The following ZNF585A variants were observed in gnomAD, a reference collection of about 807,000 sequenced individuals.
ZNF585A encodes the protein zinc finger protein 585A.
A neutral mutation model predicts 14.9 loss-of-function variants in ZNF585A; 9 were observed. The ratio of observed to expected loss-of-function variants is 0.60; its 90% CI spans 0.36 to 1.05. ZNF585A has a LOEUF of 1.05. Among genes scored for constraint, ZNF585A ranks in the 50% least tolerant of loss-of-function variants. The probability of loss-of-function intolerance (pLI) is 0.01; values close to 1 mark genes in which losing one functional copy is unlikely to be tolerated. For synonymous variants in ZNF585A, 276 were observed against 319.9 expected (o/e 0.86, Z 1.46); for missense variants, 726 against 926.4 (o/e 0.78, Z 2.81).
intron 1 of ZNF585A, among the ~76,000 whole-genome samples, chr19:37,170,899 A>G (rs1265022684): frequency 6.6e-6 from 1 of 152,250 alleles, no homozygotes; most frequent in African/African-American, 2.4e-5. Context: ...TACAATACAT[A>G]TCAGCGATTA....
intron 2 of ZNF585A, among the ~76,000 whole-genome samples, chr19:37,160,334 C>T (rs557045088): frequency 0.02 from 2,875 of 140,404 alleles, 91 homozygotes; most frequent in African/African-American, 0.068. Context: ...AGAGCCAGAA[C>T]CTGTCTCAAA....
In ZNF585A at chr19:37,151,599, C is replaced by T; in HGVS notation, c.2300G>A (p.Ser767Asn). 4.3e-6 allele frequency: 7 copies of T among 1,612,520 alleles called. No homozygotes were observed. Among genetic ancestry groups the T allele is most frequent in the Non-Finnish European group, 5.9e-6 (7 of 1,178,922 alleles). ...QKSVFSVHQSSHA is the reference protein window; with the variant it reads ...QKSVFSVHQSNHA ...CTCACACTGTTTCTCTCAAGCGTGG[C>T]TGCTCTGATGGACGCTGAACACTGA... Residue 767 changes from serine (S) to asparagine (N), a missense_variant, in exon 5 of 5, where the codon AGC becomes AAC. This residue lies in a region of ZNF585A where 243 missense variants were observed against 383.6 expected (regional missense o/e 0.63). Coordinates refer to ENST00000292841, the MANE Select transcript of ZNF585A (RefSeq NM_001288800.2).
chr19:37,153,027 A>G lies in ZNF585A; in HGVS notation c.872T>C (p.Ile291Thr), dbSNP rs776852199. The G allele has an allele frequency of 1.9e-6, 3 of 1,614,204 alleles. No homozygotes were observed. The highest frequency in any genetic ancestry group is 2.5e-6 in the Non-Finnish European group (3 of 1,180,022). The change falls in exon 5 of 5, where the codon ATT becomes ACT. Residue 291 changes from isoleucine to threonine, a missense_variant. Coordinates refer to ENST00000292841, the MANE Select transcript of ZNF585A (RefSeq NM_001288800.2). ...QKTHLIAHRR[I>T]HTGEKPYECS... Reference sequence around the variant, plus strand: ...CTCATATGGTTTTTCTCCAGTATGAATTCTTCGGTGTGCAATCAAATGGGT... The same window carrying G: ...CTCATATGGTTTTTCTCCAGTATGAGTTCTTCGGTGTGCAATCAAATGGGT...
At chr19:37,171,953 A>G (rs1972189832) in intron 1 of ZNF585A, among the ~76,000 whole-genome samples, 1 of 152,104 alleles carries the variant, frequency 6.6e-6, no homozygotes, top group Non-Finnish European at 1.5e-5. Context: ...ACATATATAA[A>G]GCAGAAAAAG....
chr19:37,165,572 C>A (rs190562870), intron 2 of ZNF585A: 9,946 of 900,930 alleles, frequency 0.011, 75 homozygotes, highest in African/African-American at 0.027. Context: ...GCAGTTGTTT[C>A]ACTAATCCCA....
intron 4 of ZNF585A, 24 bp downstream of exon 4, chr19:37,155,841 C>T (rs376561423): frequency 1.0e-4 from 161 of 1,611,258 alleles, no homozygotes; most frequent in African/African-American, 1.3e-4. Flanking sequence ...TCCCATCTAC[C>T]GGATTCACAC....
At chr19:37,171,995 T>C (rs1370104158) in intron 1 of ZNF585A, among the ~76,000 whole-genome samples, 1 of 149,640 alleles carries the variant, frequency 6.7e-6, no homozygotes, top group Non-Finnish European at 1.5e-5. Flanking sequence ...CTTTCCAGAG[T>C]TGAGTACTTT....
chr19:37,166,196 T>G (rs1346716251), intron 2 of ZNF585A, among the ~76,000 whole-genome samples: 1 of 152,018 alleles, frequency 6.6e-6, no homozygotes, highest in Non-Finnish European at 1.5e-5. Flanking sequence ...GTATTTTTAG[T>G]AGAGATGGGG....
At chr19:37,158,524 G>A (rs1263364723) in intron 2 of ZNF585A, among the ~76,000 whole-genome samples, 1 of 152,184 alleles carries the variant, frequency 6.6e-6, no homozygotes, top group Non-Finnish European at 1.5e-5. Context: ...GTGGGAAGGA[G>A]AGTGAAACGT....
chr19:37,170,290 T>C (rs1178006348), intron 1 of ZNF585A, among the ~76,000 whole-genome samples: 2 of 152,244 alleles, frequency 1.3e-5, no homozygotes, highest in Non-Finnish European at 2.9e-5. Context: ...CGTTTCTAAC[T>C]GGTGCCCAGG....
At chr19:37,170,104 G>A (rs1972158455) in intron 1 of ZNF585A, 50 bp from the exon 2 acceptor site, 2 of 597,242 alleles carry the variant, frequency 3.3e-6, no homozygotes, top group Non-Finnish European at 5.8e-6. Flanking sequence ...CAACACATAA[G>A]CACTTCCTGG....
intron 1 of ZNF585A, among the ~76,000 whole-genome samples, chr19:37,170,676 A>G (rs374862454): frequency 1.4e-4 from 22 of 152,278 alleles, no homozygotes; most frequent in Admixed American, 1.1e-3. Context: ...AGGTTTCACC[A>G]TGTTGGCCAG....
At chr19:37,172,041 TGAG>T (rs1300797483) in intron 1 of ZNF585A, among the ~76,000 whole-genome samples, 2 of 152,100 alleles carry the variant, frequency 1.3e-5, no homozygotes, top group Non-Finnish European at 2.9e-5. Context: ...AAATAATCTG[TGAG>T]GAGACAGATA....
Position 37,151,717 on chromosome 19 carries a change from T to C in ZNF585A, c.2182A>G (p.Thr728Ala), listed in dbSNP as rs1971832386. The change falls in exon 5 of 5, where the codon ACT (threonine) becomes GCT (alanine). Residue 728 changes from threonine to alanine, a missense_variant. Coordinates refer to ENST00000292841, the MANE Select transcript of ZNF585A (RefSeq NM_001288800.2). ...TGTTTATTCAAATTGGACCTGTCAG[T>C]AAAGGCCTTCCCACACTCAGCACAC... ...YVCAECGKAF[T>A]DRSNLNKHQT... 8 of 1,614,182 alleles carry C rather than the reference T, an allele frequency of 5.0e-6. No individual in the cohort carries two copies. Among genetic ancestry groups the C allele is most frequent in the Non-Finnish European group, 6.8e-6 (8 of 1,180,046 alleles).
intron 3 of ZNF585A, 114 bp from the exon 4 acceptor site, chr19:37,156,071 T>C: frequency 1.3e-6 from 2 of 1,564,926 alleles, no homozygotes; most frequent in South Asian, 2.4e-5. Context: ...ACCATAACTT[T>C]TCAGGGTAAA....
At chr19:37,167,707 C>T (rs968696076) in intron 2 of ZNF585A, among the ~76,000 whole-genome samples, 1 of 151,906 alleles carries the variant, frequency 6.6e-6, no homozygotes, top group African/African-American at 2.4e-5. Flanking sequence ...CTACAACCTC[C>T]GCCTTCCAGG....
At chr19:37,169,190 G>A (rs1192985468) in intron 2 of ZNF585A, among the ~76,000 whole-genome samples, 1 of 151,814 alleles carries the variant, frequency 6.6e-6, no homozygotes, top group Non-Finnish European at 1.5e-5. Context: ...ATCTCCAGAG[G>A]CATAAGAAAT....
At chr19:37,158,099 G>T (rs1363364533) in intron 2 of ZNF585A, among the ~76,000 whole-genome samples, 1 of 152,042 alleles carries the variant, frequency 6.6e-6, no homozygotes, top group Non-Finnish European at 1.5e-5. Context: ...TGCTGGCCAG[G>T]ATGGTCTCGA....
chr19:37,161,070 G>A (rs1438645744), intron 2 of ZNF585A, among the ~76,000 whole-genome samples: 3 of 152,104 alleles, frequency 2.0e-5, no homozygotes, highest in East Asian at 3.9e-4. Context: ...AAAGAAGAAT[G>A]TGTCATTTTT....
Sources: allele counts gnomAD v4.1 joint callset (sites outside exome capture counted in the v4.1 genomes callset), GRCh38; gene constraint gnomAD v4.1.1; regional missense constraint gnomAD v4.1.1; transcripts MANE v1.5; gene names NCBI Gene and HGNC (gene_info 2026-07-23, HGNC 2026-07-21).